TMEM108: variants seen among roughly 807,000 people sequenced by gnomAD.
The protein encoded by TMEM108 is transmembrane protein 108.
TMEM108 carries 12 observed loss-of-function variants against 35.1 expected under a neutral mutation model. The observed-to-expected ratio is 0.34, with a 90% CI of 0.22 to 0.55. The LOEUF is 0.55. Among genes scored for constraint, TMEM108 ranks in the 20% least tolerant of loss-of-function variants. The pLI is 0.89. For missense variants in TMEM108, 680 were observed against 753.3 expected (o/e 0.90, Z 1.14); for synonymous variants, 287 against 308.6 (o/e 0.93, Z 0.73).
At chr3:133,114,548 CTGT>C (rs1270448009) in intron 2 of TMEM108, among the ~76,000 whole-genome samples, 9 of 152,158 alleles carry the variant, frequency 5.9e-5, no homozygotes, top group Non-Finnish European at 4.4e-5. Context: ...GGCAGCCCTC[CTGT>C]TGTTGTTGCT....
intron 2 of TMEM108, among the ~76,000 whole-genome samples, chr3:133,216,210 TA>T (rs1371584709): frequency 6.6e-6 from 1 of 152,140 alleles, no homozygotes; most frequent in Non-Finnish European, 1.5e-5. Flanking sequence ...CATTTTTAAT[TA>T]GAACATTTTT....
At chr3:133,225,234 G>C (rs1284408353) in intron 2 of TMEM108, among the ~76,000 whole-genome samples, 2 of 152,020 alleles carry the variant, frequency 1.3e-5, no homozygotes, top group African/African-American at 4.8e-5. Flanking sequence ...TTTTAGTAGA[G>C]AGAGGGTTTC....
intron 3 of TMEM108, among the ~76,000 whole-genome samples, chr3:133,375,747 A>G (rs1209145286): frequency 6.6e-6 from 1 of 152,192 alleles, no homozygotes; most frequent in African/African-American, 2.4e-5. Flanking sequence ...CATTGTAGGG[A>G]TTTTTATTAT....
At chr3:133,231,831 T>C (rs1345757184) in intron 3 of TMEM108, among the ~76,000 whole-genome samples, 2 of 152,204 alleles carry the variant, frequency 1.3e-5, no homozygotes, top group Non-Finnish European at 2.9e-5. Context: ...TTGTGCCTAC[T>C]ATGTTCACAA....
chr3:133,219,026 A>G (rs563777264), intron 2 of TMEM108, among the ~76,000 whole-genome samples: 3 of 152,066 alleles, frequency 2.0e-5, no homozygotes, highest in African/African-American at 4.8e-5. Context: ...CTTTTCTCTA[A>G]TGGGAGACTT....
intron 2 of TMEM108, among the ~76,000 whole-genome samples, chr3:133,162,319 A>G (rs932046899): frequency 6.6e-6 from 1 of 152,088 alleles, no homozygotes; most frequent in Non-Finnish European, 1.5e-5. Context: ...TTGCTTTATT[A>G]TTTTGTTTGC....
chr3:133,317,271 A>G (rs2071211541), intron 3 of TMEM108, among the ~76,000 whole-genome samples: 1 of 152,210 alleles, frequency 6.6e-6, no homozygotes, highest in Non-Finnish European at 1.5e-5. Flanking sequence ...TGGCCTTTAA[A>G]AAAAACTGTG....
intron 1 of TMEM108, among the ~76,000 whole-genome samples, chr3:133,042,379 G>A (rs35784371): frequency 0.045 from 6,834 of 152,206 alleles, 225 homozygotes; most frequent in Non-Finnish European, 0.072. Flanking sequence ...CTTGTGCTAG[G>A]TAGTGGTAGG....
intron 2 of TMEM108, among the ~76,000 whole-genome samples, chr3:133,107,842 A>C (rs529359737): frequency 6.6e-6 from 1 of 152,178 alleles, no homozygotes; most frequent in African/African-American, 2.4e-5. Flanking sequence ...TTTTAAGTAG[A>C]TTTCCTAAAT....
At chr3:133,179,685 T>C (rs1002864699) in intron 2 of TMEM108, among the ~76,000 whole-genome samples, 27 of 152,056 alleles carry the variant, frequency 1.8e-4, no homozygotes, top group Middle Eastern at 3.4e-3. Context: ...AGGGATAGCA[T>C]TGGGAGATAT....
In TMEM108 at chr3:133,380,552, C is replaced by G; in HGVS notation, c.841C>G (p.Arg281Gly). ...GCCTGCAAAGGACAAGCCAGGCCTT[C>G]GCAGAGCAGCCCAGGGGGGTGGTTC... ...LGPAKDKPGL[R>G]RAAQGGGSTF... Residue 281 changes from arginine to glycine, a missense_variant, in exon 4 of 6, where the codon CGC (arginine) becomes GGC (glycine). Physicochemically the swap from Arg to Gly is moderately radical, Grantham distance 125. This residue lies in a region of TMEM108 where 526 missense variants were observed against 532.1 expected (regional missense o/e 0.99). Coordinates refer to ENST00000321871, the MANE Select transcript of TMEM108 (RefSeq NM_023943.4). This position sits in a 1 kb window ranked among gnomAD's most constrained non-coding sequence, Gnocchi z 5.3. 1 of 1,614,008 alleles carries G rather than the reference C, an allele frequency of 6.2e-7. No individual in the cohort carries two copies. The highest frequency in any genetic ancestry group is 8.5e-7 in the Non-Finnish European group (1 of 1,179,988).
At position 133,379,870 on chromosome 3, in the gene TMEM108, A is replaced by G; in HGVS notation, c.159A>G (p.Ala53=). 6.2e-7 allele frequency: 1 copy of G among 1,613,482 alleles called. No individual in the cohort carries two copies. Among genetic ancestry groups the G allele is most frequent in the Non-Finnish European group, 8.5e-7 (1 of 1,179,804 alleles). ...CTCCCCCGGGAACCATGGTGACAGC[A>G]CCCCACAGCTCTACCAGACATACTT... ...SGTPPGTMVT[A]PHSSTRHTSV... Residue 53 remains alanine (A), a synonymous_variant, in exon 4 of 6, where the codon GCA becomes GCG. Coordinates refer to ENST00000321871, the MANE Select transcript of TMEM108 (RefSeq NM_023943.4).
chr3:133,143,975 T>TATTTTATTTTATTTTA (rs200418383), intron 2 of TMEM108, among the ~76,000 whole-genome samples: 104 of 150,894 alleles, frequency 6.9e-4, no homozygotes, highest in African/African-American at 2.3e-3. Flanking sequence ...TATTTTATTT[T>TATTTTATTTTATTTTA]ATTTTATTTT....
chr3:133,187,014 A>G (rs1464424273), intron 2 of TMEM108, among the ~76,000 whole-genome samples: 2 of 152,146 alleles, frequency 1.3e-5, no homozygotes, highest in South Asian at 2.1e-4. Context: ...TTCTCACACT[A>G]TAACGTGAAG....
At chr3:133,083,294 C>T (rs1014866279) in intron 2 of TMEM108, among the ~76,000 whole-genome samples, 1 of 151,908 alleles carries the variant, frequency 6.6e-6, no homozygotes, top group Non-Finnish European at 1.5e-5. Context: ...CTGTCCCTCA[C>T]TCCTCATCCC....
chr3:133,331,555 C>G (rs1038180903), intron 3 of TMEM108, among the ~76,000 whole-genome samples: 1 of 152,162 alleles, frequency 6.6e-6, no homozygotes, highest in African/African-American at 2.4e-5. Flanking sequence ...AAAATATTGC[C>G]TTTCTTAGCC....
At chr3:133,198,275 T>A (rs2107823159) in intron 2 of TMEM108, among the ~76,000 whole-genome samples, 1 of 152,306 alleles carries the variant, frequency 6.6e-6, no homozygotes, top group African/African-American at 2.4e-5. Context: ...AACACACAAC[T>A]CCTAACACTA....
intron 2 of TMEM108, among the ~76,000 whole-genome samples, chr3:133,067,692 G>C (rs73003675): frequency 0.071 from 10,823 of 152,202 alleles, 1,317 homozygotes; most frequent in African/African-American, 0.24. Flanking sequence ...TAGCTAAGGT[G>C]GTGAGGGCCA....
At chr3:133,324,848 C>T (rs1046450799) in intron 3 of TMEM108, among the ~76,000 whole-genome samples, 7 of 152,130 alleles carry the variant, frequency 4.6e-5, no homozygotes, top group Non-Finnish European at 1.0e-4. Context: ...TGGTGGCGGG[C>T]ACCTGCGATC....
Sources: gnomAD v4.1 joint callset for allele counts (sites outside exome capture counted in the v4.1 genomes callset) on GRCh38, gnomAD v4.1.1 for gene constraint, gnomAD v4.1.1 regional missense constraint, Gnocchi (gnomAD v3.1) non-coding constraint, MANE v1.5 for transcripts, NCBI Gene and HGNC (gene_info 2026-07-23, HGNC 2026-07-21) for gene names.